Variants in NR2F1-AS1 observed in about 807,000 individuals in gnomAD.
NR2F1-AS1 encodes NR2F1 antisense RNA 1.
intron 2 of NR2F1-AS1, among the ~76,000 whole-genome samples, chr5:93,555,772 C>T (rs1237865640): frequency 6.6e-6 from 1 of 152,104 alleles, no homozygotes; most frequent in Non-Finnish European, 1.5e-5. Context: ...ATACTACAGA[C>T]ACTAATTTAT....
intron 4 of NR2F1-AS1, among the ~76,000 whole-genome samples, chr5:93,412,816 T>C (rs1748886096): frequency 6.6e-6 from 1 of 152,160 alleles, no homozygotes; most frequent in African/African-American, 2.4e-5. Context: ...TCACCTGTTA[T>C]CTACAATTCT....
intron 4 of NR2F1-AS1, among the ~76,000 whole-genome samples, chr5:93,518,352 T>A (rs1427805054): frequency 6.6e-6 from 1 of 152,092 alleles, no homozygotes; most frequent in Non-Finnish European, 1.5e-5. Context: ...CAATTGGTAG[T>A]GTATTGGATT....
intron 4 of NR2F1-AS1, among the ~76,000 whole-genome samples, chr5:93,439,414 C>T (rs761929903): frequency 1.3e-4 from 20 of 152,164 alleles, no homozygotes; most frequent in Non-Finnish European, 2.4e-4. Flanking sequence ...CCTGCCTCAG[C>T]CTCCCAAGTA....
intron 4 of NR2F1-AS1, among the ~76,000 whole-genome samples, chr5:93,548,795 CG>C (rs1234618921): frequency 4.6e-5 from 7 of 152,016 alleles, no homozygotes; most frequent in Admixed American, 2.0e-4. Context: ...CACTTGAACC[CG>C]GGAGGCAAAG....
chr5:93,434,395 G>C (rs527246993), intron 4 of NR2F1-AS1, among the ~76,000 whole-genome samples: 14 of 152,208 alleles, frequency 9.2e-5, no homozygotes, highest in Non-Finnish European at 1.8e-4. Flanking sequence ...AAGAACTCCT[G>C]TTTGTGTTTG....
chr5:93,410,249 G>T (rs751813973), intron 4 of NR2F1-AS1: 2 of 152,188 alleles, frequency 1.3e-5, no homozygotes, highest in African/African-American at 4.8e-5. Flanking sequence ...GATGGATTTT[G>T]TTCCATCCCT....
intron 2 of NR2F1-AS1, among the ~76,000 whole-genome samples, chr5:93,562,812 A>G (rs1047445826): frequency 6.6e-6 from 1 of 152,226 alleles, no homozygotes; most frequent in Admixed American, 6.5e-5. Context: ...ACATGCCTTA[A>G]GCATGATAAA....
At chr5:93,557,425 T>C (rs917780749) in intron 2 of NR2F1-AS1, among the ~76,000 whole-genome samples, 1 of 152,148 alleles carries the variant, frequency 6.6e-6, no homozygotes, top group African/African-American at 2.4e-5. Flanking sequence ...ATCACAGCAA[T>C]AAAGCAAACA....
At chr5:93,584,511 G>T (rs927266042), upstream of NR2F1-AS1, 1 of 149,390 alleles carries the variant, frequency 6.7e-6, no homozygotes, top group African/African-American at 2.4e-5. Flanking sequence ...GCCCATGCCC[G>T]CCGCCCCCGG....
At chr5:93,546,040 C>T (rs1483115213) in intron 4 of NR2F1-AS1, among the ~76,000 whole-genome samples, 1 of 152,142 alleles carries the variant, frequency 6.6e-6, no homozygotes, top group South Asian at 2.1e-4. Flanking sequence ...AGTTTGAGTT[C>T]CTGCTCCTTC....
At chr5:93,549,642 C>T (rs951677179) in intron 4 of NR2F1-AS1, among the ~76,000 whole-genome samples, 3 of 152,122 alleles carry the variant, frequency 2.0e-5, no homozygotes, top group African/African-American at 4.8e-5. Context: ...AGTGAAGTGA[C>T]TTCACTTTTA....
chr5:93,564,668 A>C (rs546201390), intron 1 of NR2F1-AS1, among the ~76,000 whole-genome samples: 2 of 152,232 alleles, frequency 1.3e-5, no homozygotes, highest in African/African-American at 4.8e-5. Flanking sequence ...TATAAACTAC[A>C]TAAAAAAGGA....
At chr5:93,454,307 TA>T (rs1193256757) in intron 4 of NR2F1-AS1, among the ~76,000 whole-genome samples, 11 of 151,908 alleles carry the variant, frequency 7.2e-5, no homozygotes, top group African/African-American at 2.7e-4. Flanking sequence ...GAAGATAAAA[TA>T]AAAGAAAAAG....
At chr5:93,491,403 C>A (rs1750847303) in intron 4 of NR2F1-AS1, among the ~76,000 whole-genome samples, 1 of 151,536 alleles carries the variant, frequency 6.6e-6, no homozygotes. Flanking sequence ...GTGGTGATGG[C>A]CGTGGTCCTA....
intron 4 of NR2F1-AS1, among the ~76,000 whole-genome samples, chr5:93,462,253 C>T (rs1435160162): frequency 6.6e-6 from 1 of 152,034 alleles, no homozygotes; most frequent in Admixed American, 6.6e-5. Flanking sequence ...CTTTCCCAAG[C>T]TGTTCTTGTG....
intron 4 of NR2F1-AS1, among the ~76,000 whole-genome samples, chr5:93,519,156 A>G (rs193183775): frequency 2.5e-4 from 38 of 152,024 alleles, no homozygotes; most frequent in Non-Finnish European, 4.7e-4. Flanking sequence ...TAGATGAATT[A>G]GTTGGCTTGT....
At chr5:93,553,240 G>A (rs981083655) in intron 4 of NR2F1-AS1, among the ~76,000 whole-genome samples, 14 of 149,352 alleles carry the variant, frequency 9.4e-5, no homozygotes, top group African/African-American at 2.0e-4. Context: ...AGCAATTCTC[G>A]TGCCTCAGCT....
chr5:93,508,615 C>T lies in NR2F1-AS1; in HGVS notation n.638+45146G>A, dbSNP rs1270183435. ...AAGGGAAAGGCCAAAAATATTTACA[C>T]AGTAAGTTTTGAAACCTCTATAAAT... On this transcript the variant is annotated intron_variant and non_coding_transcript_variant, in intron 4 of 5. Transcript: ENST00000660523. Among the ~76,000 whole-genome samples the T allele has an allele frequency of 4.6e-5, 7 of 151,792 alleles. No homozygotes were observed. In the South Asian group the frequency reaches 1.2e-3, roughly 27 times the overall value.
At chr5:93,572,312 A>G (rs1752789320) in intron 1 of NR2F1-AS1, among the ~76,000 whole-genome samples, 1 of 152,184 alleles carries the variant, frequency 6.6e-6, no homozygotes, top group Non-Finnish European at 1.5e-5. Flanking sequence ...ATGTCGCTCA[A>G]ACTAGATACG....
Sources: allele counts gnomAD v4.1 joint callset (sites outside exome capture counted in the v4.1 genomes callset), GRCh38; gene constraint gnomAD v4.1.1; transcripts MANE v1.5; gene names NCBI Gene and HGNC (gene_info 2026-07-23, HGNC 2026-07-21).